SMS: variants seen among roughly 807,000 people sequenced by gnomAD.
SMS encodes the protein spermine synthase.
SMS carries 3 observed loss-of-function variants against 33.0 expected under a neutral mutation model. The ratio of observed to expected loss-of-function variants is 0.09; its 90% CI spans 0.04 to 0.23. The LOEUF (loss-of-function observed/expected upper bound fraction) is 0.23. SMS is among the 10% of genes least tolerant of loss of function. The probability of loss-of-function intolerance (pLI) is 1.00; values close to 1 mark genes in which losing one functional copy is unlikely to be tolerated. For synonymous variants in SMS, 103 were observed against 112.2 expected (o/e 0.92, Z 0.52); for missense variants, 117 against 288.6 (o/e 0.41, Z 4.31).
chrX:21,970,967 C>CA (rs11369551), intron 2 of SMS, among the ~76,000 whole-genome samples: 2,778 of 110,207 alleles, frequency 0.025, 87 homozygotes, highest in African/African-American at 0.088. Context: ...GAGGCCAAGG[C>CA]AGGTGGATCA....
intron 1 of SMS, among the ~76,000 whole-genome samples, chrX:21,963,262 G>GA (rs1302356926): frequency 6.3e-5 from 7 of 111,233 alleles, no homozygotes; most frequent in African/African-American, 2.0e-4. Context: ...CCCAAATCAG[G>GA]AGGAAGGTGA....
intron 4 of SMS, among the ~76,000 whole-genome samples, chrX:21,975,402 C>G (rs1288539653): frequency 2.7e-5 from 3 of 112,057 alleles, no homozygotes; most frequent in Non-Finnish European, 5.6e-5. Flanking sequence ...CAATTGAGAA[C>G]AGGCACTGTT....
At chrX:21,957,089 C>G (rs915711269) in intron 1 of SMS, among the ~76,000 whole-genome samples, 4 of 109,037 alleles carry the variant, frequency 3.7e-5, no homozygotes, top group Non-Finnish European at 7.6e-5. Context: ...TTACCTGATG[C>G]GTGTTGCATC....
At chrX:21,991,170 A>G (rs1335789848) in intron 9 of SMS, among the ~76,000 whole-genome samples, 2 of 111,888 alleles carry the variant, frequency 1.8e-5, no homozygotes, top group Non-Finnish European at 3.8e-5. Context: ...TTTGAGGCAA[A>G]TTAATAGTAA....
At chrX:21,942,416 GA>G (rs143551153) in intron 1 of SMS, among the ~76,000 whole-genome samples, 15 of 106,067 alleles carry the variant, frequency 1.4e-4, no homozygotes, top group South Asian at 4.0e-4. Context: ...CCATTAAAAA[GA>G]AAAAAAAAAG....
Position 21,977,970 on chromosome X carries a change from G to C in SMS, c.516G>C (p.Glu172Asp). 2 of 1,210,981 alleles carry C rather than the reference G, an allele frequency of 1.7e-6. No individual in the cohort carries two copies. Among genetic ancestry groups the C allele is most frequent in the Non-Finnish European group, 2.2e-6 (2 of 894,729 alleles). ...LILSGDVNLA[E>D]SDLAYTRAIM... ...GTTTCTCCTCCCTAGATTTGGCAGAGAGTGATTTGGCATATACCCGGGCCA... is the reference window on the plus strand; with the variant it reads ...GTTTCTCCTCCCTAGATTTGGCAGACAGTGATTTGGCATATACCCGGGCCA... The change falls in exon 6 of 11, where the codon GAG (glutamate) becomes GAC (aspartate). Residue 172 changes from glutamate (E) to aspartate (D), a missense_variant. Glu to Asp is a conservative substitution (Grantham distance 45). Coordinates refer to ENST00000404933, the MANE Select transcript of SMS (RefSeq NM_004595.5).
intron 4 of SMS, among the ~76,000 whole-genome samples, chrX:21,973,063 G>T (rs1473531880): frequency 1.8e-5 from 2 of 111,591 alleles, no homozygotes; most frequent in African/African-American, 6.5e-5. Flanking sequence ...AAACAAGACA[G>T]TGTATGAACA....
chrX:21,981,910 C>A (rs893051851), intron 7 of SMS, among the ~76,000 whole-genome samples: 1 of 111,552 alleles, frequency 9.0e-6, no homozygotes, highest in African/African-American at 3.3e-5. Flanking sequence ...TAGTAACAAG[C>A]ATGACAGGGA....
At position 21,992,713 on chromosome X, in the gene SMS, G is replaced by A; in HGVS notation, c.1061+1G>A. 1 of 1,091,967 alleles carries A rather than the reference G, an allele frequency of 9.2e-7. No individual in the cohort carries two copies. Among genetic ancestry groups the A allele is most frequent in the Non-Finnish European group, 1.3e-6 (1 of 787,374 alleles). The allele number at this position is 1,091,967 out of a possible 1,213,427, so 90.0% of individuals were successfully genotyped here. ...TCTGTGTCCCTTCATACTTGGAATT[G>A]TATCCTTTGACCGTGACATTCTGTT... On this transcript the variant is annotated splice_donor_variant, in intron 10 of 10. Transcript: ENST00000404933. LOFTEE classifies it high-confidence loss of function.
chrX:21,962,743 C>T (rs1045323516), intron 1 of SMS, among the ~76,000 whole-genome samples: 2 of 111,721 alleles, frequency 1.8e-5, no homozygotes, highest in African/African-American at 6.5e-5. Context: ...GCAGCCTTCA[C>T]CTCCCAGGCT....
At chrX:21,956,127 T>A (rs930956011) in intron 1 of SMS, among the ~76,000 whole-genome samples, 1 of 112,812 alleles carries the variant, frequency 8.9e-6, no homozygotes, top group Non-Finnish European at 1.9e-5. Flanking sequence ...TTGTGGCTGG[T>A]ACTCTGTAAA....
intron 7 of SMS, among the ~76,000 whole-genome samples, chrX:21,982,050 C>T (rs1279497193): frequency 4.5e-5 from 5 of 110,591 alleles, no homozygotes; most frequent in Non-Finnish European, 7.6e-5. Context: ...TACCACAAGA[C>T]AGGCCGGGCG....
At chrX:21,980,533 T>C (rs1273446760) in intron 7 of SMS, among the ~76,000 whole-genome samples, 2 of 105,774 alleles carry the variant, frequency 1.9e-5, no homozygotes, top group African/African-American at 6.8e-5. Flanking sequence ...TAAAATAAAA[T>C]TGCAATAGAG....
intron 10 of SMS, among the ~76,000 whole-genome samples, chrX:21,993,726 A>G (rs1203712747): frequency 8.9e-6 from 1 of 112,072 alleles, no homozygotes; most frequent in Admixed American, 9.4e-5. Flanking sequence ...TCTCCTACCA[A>G]CTGTCCACCT....
chrX:21,953,603 T>A (rs1922765443), intron 1 of SMS, among the ~76,000 whole-genome samples: 1 of 112,413 alleles, frequency 8.9e-6, no homozygotes, highest in Non-Finnish European at 1.9e-5. Context: ...GAGTTTCTGC[T>A]TACACATTCT....
chrX:21,973,621 T>C (rs1170362768), intron 4 of SMS, among the ~76,000 whole-genome samples: 2 of 113,143 alleles, frequency 1.8e-5, no homozygotes, highest in African/African-American at 3.2e-5. Context: ...ATACTAAGAA[T>C]TGATAGGCCA....
intron 5 of SMS, among the ~76,000 whole-genome samples, chrX:21,977,560 CT>C (rs1214861430): frequency 1.8e-5 from 2 of 112,181 alleles, no homozygotes; most frequent in Non-Finnish European, 3.8e-5. Flanking sequence ...CCCACATGTA[CT>C]TACCATCGAG....
At chrX:21,948,995 G>T (rs1922427430) in intron 1 of SMS, among the ~76,000 whole-genome samples, 1 of 112,084 alleles carries the variant, frequency 8.9e-6, no homozygotes, top group South Asian at 3.7e-4. Flanking sequence ...CACTTTTCCA[G>T]ACCCCAGGAA....
intron 1 of SMS, among the ~76,000 whole-genome samples, chrX:21,944,544 A>AAAAG (rs1555992699): frequency 2.0e-5 from 2 of 99,043 alleles, no homozygotes; most frequent in African/African-American, 3.8e-5. Flanking sequence ...AAAAAAAAAA[A>AAAAG]AGAAAAAAAA....
Sources: allele counts gnomAD v4.1 joint callset (sites outside exome capture counted in the v4.1 genomes callset), GRCh38; gene constraint gnomAD v4.1.1; transcripts MANE v1.5; gene names NCBI Gene and HGNC (gene_info 2026-07-23, HGNC 2026-07-21).